Variants in TSPAN18 observed in about 807,000 individuals in gnomAD.
The protein encoded by TSPAN18 is tetraspanin 18.
TSPAN18 carries 14 observed loss-of-function variants against 27.3 expected under a neutral mutation model. That is an observed-to-expected ratio of 0.51 (90% CI 0.34 to 0.80). TSPAN18 has a LOEUF of 0.80. TSPAN18 is among the 30% of genes least tolerant of loss of function. TSPAN18 has a pLI of 0.01. For synonymous variants in TSPAN18, 143 were observed against 136.5 expected (o/e 1.05, Z -0.33); for missense variants, 268 against 323.9 (o/e 0.83, Z 1.32).
chr11:44,758,452 A>G (rs1031331086), intron 1 of TSPAN18, among the ~76,000 whole-genome samples: 1 of 152,076 alleles, frequency 6.6e-6, no homozygotes, highest in African/African-American at 2.4e-5. Context: ...TCGGGTTGCT[A>G]ATATTTTGTT....
At chr11:44,783,494 G>A (rs1855987226) in intron 2 of TSPAN18, among the ~76,000 whole-genome samples, 1 of 151,812 alleles carries the variant, frequency 6.6e-6, no homozygotes, top group Non-Finnish European at 1.5e-5. Context: ...CACCTTCTAG[G>A]TTCAAGCGAT....
At chr11:44,763,724 C>T (rs1855503559) in intron 1 of TSPAN18, among the ~76,000 whole-genome samples, 1 of 152,088 alleles carries the variant, frequency 6.6e-6, no homozygotes, top group Non-Finnish European at 1.5e-5. Context: ...TGTTCAATGC[C>T]ATCACATGGA....
intron 2 of TSPAN18, among the ~76,000 whole-genome samples, chr11:44,785,562 G>A (rs1856036776): frequency 7.4e-6 from 1 of 134,750 alleles, no homozygotes; most frequent in African/African-American, 2.8e-5. Context: ...CCCCTCAAAT[G>A]CCTCATTTGT....
Position 44,821,134 on chromosome 11 carries a change from C to T in TSPAN18, c.-152-39194C>T, listed in dbSNP as rs890987747. On this transcript the variant is annotated intron_variant, in intron 2 of 9. Transcript: ENST00000520358. ...TTAGGGTGCAGAAAGATAGATGAGG[C>T]GGCTGCCAGTGTCTGATTAACAAGT... 1.4e-4 allele frequency among the ~76,000 whole-genome samples: 22 copies of T among 152,262 alleles called. No individual in the cohort carries two copies. In the East Asian group the frequency reaches 1.9e-3, roughly 13 times the overall value.
chr11:44,861,861 G>A (rs973929472), intron 3 of TSPAN18, among the ~76,000 whole-genome samples: 2 of 151,464 alleles, frequency 1.3e-5, no homozygotes, highest in African/African-American at 4.9e-5. Context: ...ATGGATCTGA[G>A]AGTGGTACTT....
Position 44,869,616 on chromosome 11 carries a change from C to T in TSPAN18, c.-11+9147C>T, listed in dbSNP as rs200655971. ...GATGCCAGGATGTGATTGGTGCTGC[C>T]CCCACCTCCCTTTGATGGAACCACA... is the stretch of plus-strand genomic sequence containing the variant. On this transcript the variant is annotated intron_variant, in intron 3 of 9. Coordinates refer to ENST00000520358, the MANE Select transcript of TSPAN18 (RefSeq NM_130783.5). Among the ~76,000 whole-genome samples the T allele has an allele frequency of 9.2e-5, 14 of 152,274 alleles. No homozygotes were observed. The East Asian group carries it at 2.7e-3, about 29-fold the overall frequency.
chr11:44,851,241 C>CT (rs1187750460), intron 2 of TSPAN18, among the ~76,000 whole-genome samples: 2 of 152,220 alleles, frequency 1.3e-5, no homozygotes, highest in African/African-American at 2.4e-5. Flanking sequence ...CTGGCCGGCT[C>CT]TGAGTGGAAG....
intron 2 of TSPAN18, among the ~76,000 whole-genome samples, chr11:44,803,663 G>A (rs904179969): frequency 1.3e-5 from 2 of 152,168 alleles, no homozygotes; most frequent in Non-Finnish European, 2.9e-5. Context: ...GGGTGGAGAC[G>A]AGGGGCTGAT....
intron 3 of TSPAN18, among the ~76,000 whole-genome samples, chr11:44,889,999 C>T (rs142482524): frequency 1.2e-4 from 19 of 152,324 alleles, no homozygotes; most frequent in Admixed American, 5.9e-4. Context: ...AAGATGGCCA[C>T]GGTCCTGCCC....
chr11:44,906,311 G>A, intron 3 of TSPAN18, 96 bp from the exon 4 acceptor site: 1 of 1,061,594 alleles, frequency 9.4e-7, no homozygotes, highest in Non-Finnish European at 1.5e-6. Flanking sequence ...CCTTTGCAAG[G>A]GTGGGGCTGG....
At chr11:44,766,132 T>A (rs1855563170) in intron 2 of TSPAN18, among the ~76,000 whole-genome samples, 1 of 152,224 alleles carries the variant, frequency 6.6e-6, no homozygotes, top group South Asian at 2.1e-4. Context: ...CTTGGCCACT[T>A]TCTTAGTCAC....
At chr11:44,812,732 A>G (rs1856744929) in intron 2 of TSPAN18, among the ~76,000 whole-genome samples, 1 of 152,168 alleles carries the variant, frequency 6.6e-6, no homozygotes, top group African/African-American at 2.4e-5. Flanking sequence ...TACTGGGCTC[A>G]AAGAGATGCT....
Position 44,817,571 on chromosome 11 carries a change from A to G in TSPAN18, c.-152-42757A>G, listed in dbSNP as rs563381264. On this transcript the variant is annotated intron_variant, in intron 2 of 9. Coordinates refer to ENST00000520358, the MANE Select transcript of TSPAN18 (RefSeq NM_130783.5). ...GATTTTCTTCTCACAGCAATTGACC[A>G]GAGGCCAAGAAGACCCTCCCAGCCT... Among the ~76,000 whole-genome samples, 9 of 152,366 alleles carry G rather than the reference A, an allele frequency of 5.9e-5. No homozygotes were observed. The South Asian group carries it at 1.9e-3, about 32-fold the overall frequency.
At chr11:44,900,126 A>G (rs558396986) in intron 3 of TSPAN18, among the ~76,000 whole-genome samples, 22 of 152,358 alleles carry the variant, frequency 1.4e-4, no homozygotes, top group Admixed American at 8.5e-4. Flanking sequence ...ACAGCCAGGC[A>G]GGGATTGGAG....
At chr11:44,859,466 CTG>C (rs1411418455) in intron 2 of TSPAN18, 1 of 152,228 alleles carries the variant, frequency 6.6e-6, no homozygotes, top group Non-Finnish European at 1.5e-5. Flanking sequence ...AATGAAGAGT[CTG>C]AAGCTCTGAG....
At chr11:44,887,190 C>T (rs2135272905) in intron 3 of TSPAN18, among the ~76,000 whole-genome samples, 1 of 152,362 alleles carries the variant, frequency 6.6e-6, no homozygotes, top group African/African-American at 2.4e-5. Context: ...TCCAGGGCCC[C>T]TGCCCCATGC....
intron 3 of TSPAN18, chr11:44,897,723 T>C (rs1859113326): frequency 4.0e-6 from 5 of 1,264,012 alleles, no homozygotes; most frequent in Non-Finnish European, 4.1e-6. Context: ...CTTCCTGTAG[T>C]AATTGAATAT....
At chr11:44,799,071 T>C (rs835856) in intron 2 of TSPAN18, among the ~76,000 whole-genome samples, 143,114 of 148,758 alleles carry the variant, frequency 0.96, 69,099 homozygotes, top group Non-Finnish European at 1. Flanking sequence ...TGCCCTCCCT[T>C]GTTTTTTGTT....
intron 5 of TSPAN18, among the ~76,000 whole-genome samples, chr11:44,915,342 C>T (rs80197914): frequency 0.055 from 8,422 of 152,276 alleles, 301 homozygotes; most frequent in Middle Eastern, 0.095. Context: ...AGGCAGAAAA[C>T]ACATCACTCA....
Sources: allele counts gnomAD v4.1 joint callset (sites outside exome capture counted in the v4.1 genomes callset), GRCh38; gene constraint gnomAD v4.1.1; transcripts MANE v1.5; gene names NCBI Gene and HGNC (gene_info 2026-07-23, HGNC 2026-07-21).